Variants in ZNF385D observed in about 807,000 individuals in gnomAD.
The protein encoded by ZNF385D is zinc finger protein 385D, also known as zinc finger protein 659.
A neutral mutation model predicts 35.8 loss-of-function variants in ZNF385D; 15 were observed. The observed-to-expected ratio is 0.42, with a 90% CI of 0.28 to 0.64. ZNF385D has a LOEUF of 0.64. ZNF385D is among the 30% of genes least tolerant of loss of function. ZNF385D has a pLI of 0.23. For missense variants in ZNF385D, 474 were observed against 494.6 expected (o/e 0.96, Z 0.39); for synonymous variants, 212 against 186.8 (o/e 1.13, Z -1.10).
intron 3 of ZNF385D, among the ~76,000 whole-genome samples, chr3:21,848,419 G>T (rs961426987): frequency 1.3e-5 from 2 of 151,578 alleles, no homozygotes; most frequent in East Asian, 3.9e-4. Context: ...AAGAATAAAT[G>T]AAATAGAAAA....
chr3:22,074,906 G>A (rs1211608980), intron 3 of ZNF385D, among the ~76,000 whole-genome samples: 2 of 151,788 alleles, frequency 1.3e-5, no homozygotes, highest in Non-Finnish European at 2.9e-5. Context: ...TTCTCAACAT[G>A]AGCAACGTCA....
chr3:22,220,704 C>G (rs1048207686), intron 2 of ZNF385D, among the ~76,000 whole-genome samples: 2 of 152,134 alleles, frequency 1.3e-5, no homozygotes, highest in African/African-American at 4.8e-5. Flanking sequence ...ATTACATAGA[C>G]TCTTATAGAC....
In ZNF385D at chr3:21,437,142, A is replaced by C; in HGVS notation, c.501T>G (p.Ser167Arg). 6.2e-7 allele frequency: 1 copy of C among 1,613,842 alleles called. No homozygotes were observed. The highest frequency in any genetic ancestry group is 8.5e-7 in the Non-Finnish European group (1 of 1,179,862). The change falls in exon 5 of 8, where the codon AGT (serine) becomes AGG (arginine). Residue 167 changes from serine to arginine, a missense_variant. Ser to Arg is a moderately radical substitution (Grantham distance 110). Coordinates refer to ENST00000281523, the MANE Select transcript of ZNF385D (RefSeq NM_024697.3). Reference protein sequence around the residue: ...TTTTVEIRKSSVMTTEITSKV... With the variant: ...TTTTVEIRKSRVMTTEITSKV... ...TAGAGGTGATCTCAGTTGTCATAACACTGCTTTTGCGGATTTCCACAGTTG... is the reference window on the plus strand; with the variant it reads ...TAGAGGTGATCTCAGTTGTCATAACCCTGCTTTTGCGGATTTCCACAGTTG...
chr3:22,343,535 C>T (rs977273797), intron 2 of ZNF385D, among the ~76,000 whole-genome samples: 1 of 152,168 alleles, frequency 6.6e-6, no homozygotes, highest in Non-Finnish European at 1.5e-5. Flanking sequence ...CAGCAGTGTC[C>T]GTGGCAACAG....
In ZNF385D at chr3:22,083,861, C is replaced by G. The variant is rs186759155; in HGVS notation, c.325+84956G>C. On this transcript the variant is annotated intron_variant, in intron 3 of 5. Transcript: ENST00000494108. Reference sequence around the variant, plus strand: ...GGTCAGGTTATCCACAAAGGGAAGCCCATCAGACTAACAGCTGATCTCTCA... The same window carrying G: ...GGTCAGGTTATCCACAAAGGGAAGCGCATCAGACTAACAGCTGATCTCTCA... 6.7e-3 allele frequency among the ~76,000 whole-genome samples: 1,015 copies of G among 152,254 alleles called. 3 individuals are homozygous for G. The highest frequency in any genetic ancestry group is 0.012 in the Non-Finnish European group (793 of 68,014).
intron 3 of ZNF385D, among the ~76,000 whole-genome samples, chr3:22,031,547 G>A (rs1271526215): frequency 2.0e-5 from 3 of 152,162 alleles, no homozygotes; most frequent in Non-Finnish European, 2.9e-5. Flanking sequence ...CGGCTGAGAT[G>A]CAGGGCACCA....
chr3:21,525,851 T>G (rs1187830351), intron 3 of ZNF385D, among the ~76,000 whole-genome samples: 1 of 152,102 alleles, frequency 6.6e-6, no homozygotes, highest in Non-Finnish European at 1.5e-5. Context: ...TATGACAAAT[T>G]GAGACATTCC....
intron 2 of ZNF385D, among the ~76,000 whole-genome samples, chr3:22,180,085 TA>T (rs1695128702): frequency 6.6e-6 from 1 of 151,846 alleles, no homozygotes; most frequent in Non-Finnish European, 1.5e-5. Context: ...ATAGATGCAA[TA>T]AAAAATGATA....
At chr3:21,784,915 T>C (rs989027991) in intron 3 of ZNF385D, among the ~76,000 whole-genome samples, 1 of 152,132 alleles carries the variant, frequency 6.6e-6, no homozygotes, top group Non-Finnish European at 1.5e-5. Context: ...TTTTGCATTT[T>C]AATTTTTTTA....
intron 1 of ZNF385D, among the ~76,000 whole-genome samples, chr3:21,696,227 A>G (rs1413517348): frequency 6.6e-6 from 1 of 152,214 alleles, no homozygotes; most frequent in Non-Finnish European, 1.5e-5. Flanking sequence ...GGAGAGTTTG[A>G]ACACGGACTT....
In ZNF385D at chr3:22,279,486, TGGAATATAC is replaced by T. The variant is rs1264541094; in HGVS notation, c.106+92955_106+92963del. On this transcript the variant is annotated intron_variant, in intron 2 of 5. Coordinates refer to the ZNF385D transcript ENST00000494108. The stretch of plus-strand genomic sequence containing the variant: ...GTATTCCACAGTATATATATATATA[TGGAATATAC>T]ATATGTACATATATATGTATATACA... 1.2e-3 allele frequency among the ~76,000 whole-genome samples: 136 copies of T among 111,746 alleles called. 1 individual carries two copies. Among genetic ancestry groups the T allele is most frequent in the African/African-American group, 4.2e-3 (129 of 30,942 alleles). The allele number at this position is 111,746 out of a possible 152,430, so 73.3% of individuals were successfully genotyped here.
At chr3:21,598,450 C>CA (rs979984106) in intron 2 of ZNF385D, among the ~76,000 whole-genome samples, 28 of 152,246 alleles carry the variant, frequency 1.8e-4, no homozygotes, top group African/African-American at 6.7e-4. Context: ...TCAAGCAGTA[C>CA]AAAACATATT....
At chr3:21,616,659 T>C (rs2064855931) in intron 2 of ZNF385D, among the ~76,000 whole-genome samples, 1 of 152,234 alleles carries the variant, frequency 6.6e-6, no homozygotes, top group Non-Finnish European at 1.5e-5. Flanking sequence ...TTATTTCATA[T>C]TGCTTATTAT....
chr3:21,912,490 C>G (rs140664218), intron 3 of ZNF385D, among the ~76,000 whole-genome samples: 193 of 152,044 alleles, frequency 1.3e-3, no homozygotes, highest in African/African-American at 4.4e-3. Context: ...ACAGATAAAT[C>G]CGAATGTGTA....
At chr3:21,469,967 A>G (rs1210314504) in intron 4 of ZNF385D, among the ~76,000 whole-genome samples, 1 of 152,168 alleles carries the variant, frequency 6.6e-6, no homozygotes, top group East Asian at 1.9e-4. Flanking sequence ...GACTAAGGAT[A>G]TATCTACTAA....
intron 3 of ZNF385D, among the ~76,000 whole-genome samples, chr3:21,968,329 G>C (rs1703029365): frequency 6.6e-6 from 1 of 152,108 alleles, no homozygotes; most frequent in African/African-American, 2.4e-5. Flanking sequence ...TTAAACGGCA[G>C]TCTAGGCCAC....
intron 3 of ZNF385D, among the ~76,000 whole-genome samples, chr3:21,950,253 C>T (rs547759260): frequency 6.6e-6 from 1 of 151,824 alleles, no homozygotes; most frequent in Admixed American, 6.5e-5. Context: ...ACCATTCTAA[C>T]TGGCATGAGA....
intron 3 of ZNF385D, among the ~76,000 whole-genome samples, chr3:21,563,510 C>T (rs2063029088): frequency 6.6e-6 from 1 of 152,140 alleles, no homozygotes; most frequent in South Asian, 2.1e-4. Context: ...GTAATGTTCT[C>T]TTCAAAGAGG....
chr3:21,992,264 GTA>G (rs1265734352), intron 3 of ZNF385D, among the ~76,000 whole-genome samples: 5 of 151,944 alleles, frequency 3.3e-5, no homozygotes, highest in Non-Finnish European at 5.9e-5. Flanking sequence ...CCCCTAGAAG[GTA>G]TCTAGTAGCT....
Sources: gnomAD v4.1 joint callset for allele counts (sites outside exome capture counted in the v4.1 genomes callset) on GRCh38, gnomAD v4.1.1 for gene constraint, MANE v1.5 for transcripts, NCBI Gene and HGNC (gene_info 2026-07-23, HGNC 2026-07-21) for gene names.